The following TFG variants were observed in gnomAD, a reference collection of about 807,000 sequenced individuals.
TFG encodes the protein trafficking from ER to golgi regulator.
In TFG, 22 loss-of-function variants were observed where a neutral mutation model predicts 51.4. The ratio of observed to expected loss-of-function variants is 0.43; its 90% CI spans 0.31 to 0.61. TFG has a LOEUF of 0.61. TFG is among the 20% of genes least tolerant of loss of function. TFG has a pLI of 0.12. For synonymous variants in TFG, 187 were observed against 165.6 expected, an observed-to-expected ratio of 1.13 and a Z score of -0.99; for missense variants, 419 against 487.7, an observed-to-expected ratio of 0.86 and a Z score of 1.33.
chr3:100,736,549 T>G (rs1383617959), intron 5 of TFG, 27 bp from the exon 6 acceptor site: 3 of 1,612,258 alleles, frequency 1.9e-6, no homozygotes, highest in South Asian at 2.2e-5. Flanking sequence ...TGTTGGATAC[T>G]AAACTGACTT....
intron 7 of TFG, among the ~76,000 whole-genome samples, chr3:100,745,861 A>G (rs1409421367): frequency 6.6e-6 from 1 of 152,184 alleles, no homozygotes; most frequent in Non-Finnish European, 1.5e-5. Flanking sequence ...CTACTTGGGC[A>G]CTAGAATGGC....
At chr3:100,742,889 G>GC (rs2095125099) in intron 6 of TFG, 1 of 118,358 alleles carries the variant, frequency 8.4e-6, no homozygotes, top group Non-Finnish European at 1.8e-5. Flanking sequence ...ATGAAAACAT[G>GC]CAAAAAAAAA....
rs1443198151 is a variant in TFG at position 100,717,646 on chromosome 3, AT to A, written c.185-2324del. On this transcript the variant is annotated intron_variant, in intron 2 of 7. Coordinates refer to ENST00000240851, the MANE Select transcript of TFG (RefSeq NM_006070.6). ...AACTGCTTCCTAGATATTTAAAAAA[AT>A]TTTTGTAGCTGTGGTTAATGGGATT... is the stretch of plus-strand genomic sequence containing the variant. 3.4e-5 allele frequency among the ~76,000 whole-genome samples: 5 copies of A among 148,280 alleles called. No individual in the cohort carries two copies. In the South Asian group the frequency reaches 8.5e-4, roughly 25 times the overall value.
rs2095039031 is a variant in TFG, at chr3:100,714,188, T to C, written c.184+319T>C. On this transcript the variant is annotated intron_variant, in intron 2 of 7. Coordinates refer to ENST00000240851, the MANE Select transcript of TFG (RefSeq NM_006070.6). Reference sequence around the variant, plus strand: ...TGTGATGTTCCTATAGTTACTATAATTCTCTCATCAGTTAAAATTAGCTAA... The same window carrying C: ...TGTGATGTTCCTATAGTTACTATAACTCTCTCATCAGTTAAAATTAGCTAA... Among the ~76,000 whole-genome samples the C allele has an allele frequency of 2.0e-5, 3 of 152,258 alleles. No individual in the cohort carries two copies. In the South Asian group the frequency reaches 6.2e-4, roughly 32 times the overall value.
Position 100,736,636 on chromosome 3 carries a change from C to G in TFG, c.641C>G (p.Ser214Cys), listed in dbSNP as rs1043185982. Reference protein sequence around the residue: ...SGTPDSIASSSSAAHPPGVQP... With the variant: ...SGTPDSIASSCSAAHPPGVQP... ...ACACCCGACAGCATTGCTTCCTCCT[C>G]CTCAGCAGCTCACCCACCAGGCGTT... Residue 214 changes from serine to cysteine, a missense_variant, in exon 6 of 8, where the codon TCC becomes TGC. Ser to Cys is a moderately radical substitution (Grantham distance 112, BLOSUM62 -1). Transcript: ENST00000240851. The G allele has an allele frequency of 6.2e-7, 1 of 1,614,012 alleles. No individual in the cohort carries two copies. Among genetic ancestry groups the G allele is most frequent in the Non-Finnish European group, 8.5e-7 (1 of 1,179,970 alleles).
chr3:100,741,682 C>A (rs2095121671), intron 6 of TFG, among the ~76,000 whole-genome samples: 1 of 152,154 alleles, frequency 6.6e-6, no homozygotes, highest in Non-Finnish European at 1.5e-5. Flanking sequence ...AACACAAGTA[C>A]CTCACTTGGA....
At chr3:100,724,688 T>G (rs766538439) in intron 3 of TFG, among the ~76,000 whole-genome samples, 10 of 152,070 alleles carry the variant, frequency 6.6e-5, no homozygotes, top group Non-Finnish European at 1.3e-4. Flanking sequence ...AGATAGAAAA[T>G]ATTAAGTAAT....
At chr3:100,732,421 A>G (rs922052987) in intron 4 of TFG, 87 bp from the exon 5 acceptor site, 5 of 846,278 alleles carry the variant, frequency 5.9e-6, no homozygotes, top group East Asian at 2.5e-5. Flanking sequence ...ATCATTATAC[A>G]CCTGCATTAT....
At chr3:100,710,271 A>C (rs1405229432) in intron 1 of TFG, 3 of 152,252 alleles carry the variant, frequency 2.0e-5, no homozygotes, top group African/African-American at 7.2e-5. Context: ...GCTAACTTTA[A>C]GAGTTTGCTT....
At chr3:100,746,750 A>G (rs1382080264) in intron 7 of TFG, among the ~76,000 whole-genome samples, 1 of 151,526 alleles carries the variant, frequency 6.6e-6, no homozygotes, top group African/African-American at 2.4e-5. Flanking sequence ...TTCCAGGCCC[A>G]GTTAAAAAAA....
Position 100,719,360 on chromosome 3 carries a change from G to A in TFG, c.185-615G>A, listed in dbSNP as rs78834500. On this transcript the variant is annotated intron_variant, in intron 2 of 7. Coordinates refer to ENST00000240851, the MANE Select transcript of TFG (RefSeq NM_006070.6). ...CCTTTGAAAGCTTTTGAGACACACA[G>A]TTGGTATGCCAATTATAGCATTCTT... is the stretch of plus-strand genomic sequence containing the variant. Among the ~76,000 whole-genome samples the A allele has an allele frequency of 3.5e-4, 54 of 152,326 alleles. No individual in the cohort carries two copies. In the East Asian group the frequency reaches 9.6e-3, roughly 27 times the overall value.
chr3:100,746,614 T>C (rs1331397297), intron 7 of TFG, among the ~76,000 whole-genome samples: 1 of 151,478 alleles, frequency 6.6e-6, no homozygotes, highest in Non-Finnish European at 1.5e-5. Flanking sequence ...GGAGACTATA[T>C]ATATACACAC....
intron 7 of TFG, 146 bp from the exon 8 acceptor site, chr3:100,748,001 TTA>T: frequency 1.4e-6 from 1 of 735,344 alleles, no homozygotes; most frequent in Non-Finnish European, 2.2e-6. Context: ...TCTTGAAATA[TTA>T]TGTGATGGAA....
chr3:100,715,565 T>A (rs967908055), intron 2 of TFG, among the ~76,000 whole-genome samples: 2 of 152,236 alleles, frequency 1.3e-5, no homozygotes, highest in Non-Finnish European at 2.9e-5. Context: ...TCTCCTTTGT[T>A]TTTGTGATGT....
chr3:100,742,007 A>ATATTTTT (rs755786028), intron 6 of TFG, among the ~76,000 whole-genome samples: 191 of 152,320 alleles, frequency 1.3e-3, no homozygotes, highest in Non-Finnish European at 1.9e-3. Flanking sequence ...ATGCATGACC[A>ATATTTTT]TATTTTTTAT....
At chr3:100,722,721 A>G (rs2149070264) in intron 3 of TFG, among the ~76,000 whole-genome samples, 1 of 152,348 alleles carries the variant, frequency 6.6e-6, no homozygotes, top group Admixed American at 6.5e-5. Flanking sequence ...CAGTATTATC[A>G]CAGTTGCAAA....
chr3:100,748,599 T>A lies in TFG; in HGVS notation c.*68T>A. On this transcript the variant is annotated 3_prime_UTR_variant, in exon 8 of 8. Transcript: ENST00000240851. ...CCTCCCAAAAGACTCCAGTACTATT[T>A]TAATTTGTATTGAAGAAGTTCAGAA... The A allele has an allele frequency of 1.1e-5, 16 of 1,441,478 alleles. No homozygotes were observed. Among genetic ancestry groups the A allele is most frequent in the Middle Eastern group, 1.9e-4 (1 of 5,308 alleles). 89.3% of individuals were successfully genotyped at this position (1,441,478 alleles called of 1,614,324 possible).
intron 2 of TFG, among the ~76,000 whole-genome samples, chr3:100,717,866 T>A (rs1437019217): frequency 6.6e-6 from 1 of 152,194 alleles, no homozygotes; most frequent in Non-Finnish European, 1.5e-5. Context: ...GGATACCTTT[T>A]ATTTTTTTCT....
At position 100,738,476 on chromosome 3, in the gene TFG, T is replaced by C. The variant is rs528144404; in HGVS notation, c.721+1760T>C. On this transcript the variant is annotated intron_variant, in intron 6 of 7. Coordinates refer to ENST00000240851, the MANE Select transcript of TFG (RefSeq NM_006070.6). ...TATAAATAAATGGGAATTAAGGCGCTACTAGCAATATCTAAACATTCTATG... is the reference window on the plus strand; with the variant it reads ...TATAAATAAATGGGAATTAAGGCGCCACTAGCAATATCTAAACATTCTATG... Among the ~76,000 whole-genome samples, 5 of 152,346 alleles carry C rather than the reference T, an allele frequency of 3.3e-5. No homozygotes were observed. The East Asian group carries it at 9.6e-4, about 29-fold the overall frequency.
Sources: gnomAD v4.1 joint callset for allele counts (sites outside exome capture counted in the v4.1 genomes callset) on GRCh38, gnomAD v4.1.1 for gene constraint, MANE v1.5 for transcripts, NCBI Gene and HGNC (gene_info 2026-07-23, HGNC 2026-07-21) for gene names.